The following SLIT3 variants were observed in gnomAD, a reference collection of about 807,000 sequenced individuals.
SLIT3 encodes the protein slit homolog 3 protein.
In SLIT3, 68 loss-of-function variants were observed where a neutral mutation model predicts 184.0. The ratio of observed to expected loss-of-function variants is 0.37; its 90% confidence interval spans 0.30 to 0.45. The LOEUF (loss-of-function observed/expected upper bound fraction) is 0.45, where lower values mean the gene tolerates loss of function less well. Ranked by LOEUF, SLIT3 falls within the 20% of genes least tolerant of loss-of-function variation. The pLI is 1.00. For synonymous variants in SLIT3, 831 were observed against 828.6 expected (o/e 1.00, Z -0.05); for missense variants, 1,707 against 2,026.0 (o/e 0.84, Z 3.02).
chr5:169,205,409 G>C (rs1420448173), intron 3 of SLIT3, among the ~76,000 whole-genome samples: 1 of 152,176 alleles, frequency 6.6e-6, no homozygotes, highest in Non-Finnish European at 1.5e-5. Flanking sequence ...ATGGCCTTAG[G>C]ATTTAATCTC....
intron 4 of SLIT3, among the ~76,000 whole-genome samples, chr5:168,940,212 T>C (rs1762287615): frequency 6.6e-6 from 1 of 152,208 alleles, no homozygotes; most frequent in African/African-American, 2.4e-5. Context: ...AGTCTTCATC[T>C]TGAAAAAGTA....
At chr5:168,766,634 G>T (rs556643786) in intron 14 of SLIT3, among the ~76,000 whole-genome samples, 1 of 152,216 alleles carries the variant, frequency 6.6e-6, no homozygotes, top group African/African-American at 2.4e-5. Flanking sequence ...CTGTGGCTGC[G>T]GGGCCAGTAA....
chr5:168,881,536 G>A (rs1322424209), intron 5 of SLIT3, among the ~76,000 whole-genome samples: 1 of 152,120 alleles, frequency 6.6e-6, no homozygotes, highest in Non-Finnish European at 1.5e-5. Context: ...TTCTTTTGGG[G>A]TTCAACCACC....
chr5:169,218,696 C>G (rs1764524434), intron 3 of SLIT3, among the ~76,000 whole-genome samples: 2 of 152,202 alleles, frequency 1.3e-5, no homozygotes, highest in African/African-American at 4.8e-5. Flanking sequence ...CTGGGTAGTT[C>G]TGAGTCTTAC....
At chr5:168,832,855 C>T (rs548187182) in intron 6 of SLIT3, among the ~76,000 whole-genome samples, 2 of 152,314 alleles carry the variant, frequency 1.3e-5, no homozygotes, top group East Asian at 3.9e-4. Context: ...CACCTGGGGG[C>T]TGGATCTGGC....
chr5:168,667,518 G>A (rs1299214072), intron 35 of SLIT3: 2 of 152,308 alleles, frequency 1.3e-5, no homozygotes, highest in African/African-American at 4.8e-5. Context: ...GGCTGGGAAA[G>A]GGCACCCCTG....
At chr5:169,128,740 T>C (rs1761176597) in intron 4 of SLIT3, among the ~76,000 whole-genome samples, 1 of 152,184 alleles carries the variant, frequency 6.6e-6, no homozygotes, top group Non-Finnish European at 1.5e-5. Context: ...TGTATCTCTT[T>C]TAACCAAGAA....
At chr5:169,199,007 A>T (rs1426662994) in intron 3 of SLIT3, among the ~76,000 whole-genome samples, 4 of 143,324 alleles carry the variant, frequency 2.8e-5, no homozygotes, top group Non-Finnish European at 6.1e-5. Context: ...TATATATATA[A>T]ATACACACAC....
intron 4 of SLIT3, among the ~76,000 whole-genome samples, chr5:169,113,107 C>T (rs1760471415): frequency 6.6e-6 from 1 of 152,146 alleles, no homozygotes; most frequent in Admixed American, 6.5e-5. Context: ...AAGTGTACAG[C>T]TCTGTGGCGT....
chr5:169,097,916 T>C (rs761619816), intron 4 of SLIT3, among the ~76,000 whole-genome samples: 1 of 152,208 alleles, frequency 6.6e-6, no homozygotes, highest in Non-Finnish European at 1.5e-5. Context: ...AGGCCTGAGC[T>C]TTTAAAAATA....
intron 2 of SLIT3, among the ~76,000 whole-genome samples, chr5:169,250,022 T>C (rs770453779): frequency 6.6e-6 from 1 of 152,236 alleles, no homozygotes; most frequent in African/African-American, 2.4e-5. Flanking sequence ...TAGACTATCA[T>C]TGTCTTAGTT....
intron 27 of SLIT3, among the ~76,000 whole-genome samples, chr5:168,697,156 A>G (rs908117447): frequency 6.6e-6 from 1 of 152,200 alleles, no homozygotes; most frequent in Non-Finnish European, 1.5e-5. Context: ...TCTTCCCATC[A>G]TGTATTCTTG....
At chr5:169,251,308 T>C (rs1765766184) in intron 2 of SLIT3, 80 bp downstream of exon 2, 1 of 943,168 alleles carries the variant, frequency 1.1e-6, no homozygotes, top group Non-Finnish European at 1.8e-6. Context: ...GGGAGTGTGA[T>C]GTCAGGGGCA....
chr5:168,685,682 C>A lies in SLIT3; in HGVS notation c.3555+5G>T. 1 of 1,545,522 alleles carries A rather than the reference C, an allele frequency of 6.5e-7. No individual in the cohort carries two copies. The highest frequency in any genetic ancestry group is 8.8e-7 in the Non-Finnish European group (1 of 1,141,536). On this transcript the variant is annotated splice_donor_5th_base_variant and intron_variant, in intron 31 of 35. Transcript: ENST00000519560. Reference sequence around the variant, plus strand: ...CTTCCAAGGGCAGGGCAGGGCGGGACACACCTGCAGGGAGATGTTGGCCTG... The same window carrying A: ...CTTCCAAGGGCAGGGCAGGGCGGGAAACACCTGCAGGGAGATGTTGGCCTG...
chr5:168,928,845 A>G (rs949141801), intron 4 of SLIT3, among the ~76,000 whole-genome samples: 2 of 152,188 alleles, frequency 1.3e-5, no homozygotes, highest in Admixed American at 6.5e-5. Context: ...GCAGAATTTT[A>G]TGGATAGAGA....
chr5:169,229,201 C>T (rs899332733), intron 3 of SLIT3, among the ~76,000 whole-genome samples: 1 of 150,972 alleles, frequency 6.6e-6, no homozygotes, highest in Admixed American at 6.6e-5. Context: ...ATGCAGAAGT[C>T]GATCCTTCAG....
At chr5:168,758,431 C>T (rs977924968) in intron 16 of SLIT3, among the ~76,000 whole-genome samples, 2 of 152,168 alleles carry the variant, frequency 1.3e-5, no homozygotes, top group Non-Finnish European at 2.9e-5. Context: ...TGCCTCACGC[C>T]CACAGGCCTG....
chr5:168,769,652 G>A (rs922229976), intron 14 of SLIT3, among the ~76,000 whole-genome samples: 2 of 152,188 alleles, frequency 1.3e-5, no homozygotes, highest in African/African-American at 4.8e-5. Flanking sequence ...CTTCAAATGT[G>A]AGTTTGATTA....
At chr5:168,711,829 T>C (rs1189464379) in intron 24 of SLIT3, among the ~76,000 whole-genome samples, 1 of 152,164 alleles carries the variant, frequency 6.6e-6, no homozygotes, top group Non-Finnish European at 1.5e-5. Flanking sequence ...CAGTTTTTCC[T>C]GTGTAAAATA....
Sources: allele counts gnomAD v4.1 joint callset (sites outside exome capture counted in the v4.1 genomes callset), GRCh38; gene constraint gnomAD v4.1.1; transcripts MANE v1.5; gene names NCBI Gene and HGNC (gene_info 2026-07-23, HGNC 2026-07-21).